Variants in SNX7 observed in about 807,000 individuals in gnomAD.
SNX7 encodes the protein sorting nexin 7, also known as sorting nexin-7.
Under a neutral mutation model 48.4 loss-of-function variants are expected in SNX7, and 35 were observed. The ratio of observed to expected loss-of-function variants is 0.72; its 90% CI spans 0.55 to 0.96. SNX7 has a LOEUF of 0.96. SNX7 is among the 40% of genes least tolerant of loss of function. The pLI is 0.00. For missense variants in SNX7, 553 were observed against 548.9 expected, an observed-to-expected ratio of 1.01 and a Z score of -0.07; for synonymous variants, 190 against 190.2, an observed-to-expected ratio of 1.00 and a Z score of 0.01.
chr1:98,712,048 C>T lies in SNX7; in HGVS notation c.1125+10145C>T, dbSNP rs1042125757. ...ATTCTATCATGAGATTGTAGCAATT[C>T]GGTCATCTCTTCAGGCTCTACTTCT... is the stretch of plus-strand genomic sequence containing the variant. On this transcript the variant is annotated intron_variant, in intron 7 of 8. Coordinates refer to ENST00000306121, the MANE Select transcript of SNX7 (RefSeq NM_015976.5). Among the ~76,000 whole-genome samples the T allele has an allele frequency of 4.6e-5, 7 of 152,306 alleles. 1 individual carries two copies. The East Asian group carries it at 5.8e-4, about 13-fold the overall frequency.
intron 1 of SNX7, 30 bp from the exon 2 acceptor site, chr1:98,684,855 A>G: frequency 1.4e-6 from 2 of 1,419,384 alleles, no homozygotes; most frequent in Non-Finnish European, 9.3e-7. Flanking sequence ...TTTTCTATTG[A>G]TACTAATTTT....
chr1:98,700,608 A>G (rs1428902494), intron 6 of SNX7, among the ~76,000 whole-genome samples: 1 of 151,718 alleles, frequency 6.6e-6, no homozygotes, highest in Non-Finnish European at 1.5e-5. Flanking sequence ...GTAGAGGCAT[A>G]ATCATAGCTC....
At chr1:98,752,408 A>C (rs1041104229) in intron 8 of SNX7, among the ~76,000 whole-genome samples, 1 of 152,056 alleles carries the variant, frequency 6.6e-6, no homozygotes, top group Non-Finnish European at 1.5e-5. Flanking sequence ...AATTACATTT[A>C]TTTAATTAAA....
At chr1:98,713,874 G>C (rs1238265959) in intron 7 of SNX7, among the ~76,000 whole-genome samples, 1 of 152,172 alleles carries the variant, frequency 6.6e-6, no homozygotes, top group Non-Finnish European at 1.5e-5. Context: ...GCTTATCACA[G>C]ATCGCCATCA....
chr1:98,710,860 A>G (rs543155207), intron 7 of SNX7, among the ~76,000 whole-genome samples: 36 of 152,304 alleles, frequency 2.4e-4, no homozygotes, highest in African/African-American at 7.0e-4. Context: ...TTCTTTATCC[A>G]TTAACATGCA....
chr1:98,725,391 A>G (rs376510220), intron 7 of SNX7, among the ~76,000 whole-genome samples: 1 of 152,244 alleles, frequency 6.6e-6, no homozygotes, highest in Admixed American at 6.5e-5. Flanking sequence ...ATATTAGGCA[A>G]ATATTTGCCT....
chr1:98,663,444 C>T (rs1649377189), intron 1 of SNX7, among the ~76,000 whole-genome samples: 1 of 151,842 alleles, frequency 6.6e-6, no homozygotes, highest in Non-Finnish European at 1.5e-5. Context: ...CTAGCTGACT[C>T]TTAAGAATCA....
intron 3 of SNX7, among the ~76,000 whole-genome samples, 164 bp downstream of exon 3, chr1:98,691,349 A>T (rs187219755): frequency 0.032 from 4,830 of 150,476 alleles, 131 homozygotes; most frequent in Middle Eastern, 0.048. Flanking sequence ...TTTTTTTTTT[A>T]AAAAAAACTC....
intron 8 of SNX7, among the ~76,000 whole-genome samples, chr1:98,740,474 T>A (rs1654017917): frequency 6.6e-6 from 1 of 152,158 alleles, no homozygotes; most frequent in Non-Finnish European, 1.5e-5. Flanking sequence ...AACCTAAGTA[T>A]ATTAGGGTAT....
intron 1 of SNX7, among the ~76,000 whole-genome samples, chr1:98,676,942 C>T (rs2100923740): frequency 6.6e-6 from 1 of 152,226 alleles, no homozygotes; most frequent in Middle Eastern, 3.4e-3. Context: ...CAGTACTGGC[C>T]AACTTTGTTG....
At chr1:98,741,211 G>C (rs1159899966) in intron 8 of SNX7, among the ~76,000 whole-genome samples, 1 of 152,002 alleles carries the variant, frequency 6.6e-6, no homozygotes, top group African/African-American at 2.4e-5. Flanking sequence ...GATGAAACAG[G>C]GTATACATAC....
At chr1:98,736,709 A>G (rs995704475) in intron 7 of SNX7, among the ~76,000 whole-genome samples, 9 of 152,172 alleles carry the variant, frequency 5.9e-5, no homozygotes, top group Admixed American at 3.9e-4. Context: ...CCAAATATCT[A>G]TTATTTCAGA....
intron 7 of SNX7, among the ~76,000 whole-genome samples, chr1:98,709,790 A>T: frequency 6.6e-6 from 1 of 152,128 alleles, no homozygotes; most frequent in East Asian, 1.9e-4. Flanking sequence ...TTCTGTCTAG[A>T]AAGTGTGTCT....
intron 1 of SNX7, among the ~76,000 whole-genome samples, chr1:98,675,642 G>A (rs1269371241): frequency 6.6e-6 from 1 of 152,176 alleles, no homozygotes; most frequent in Non-Finnish European, 1.5e-5. Flanking sequence ...ACGTTTGTAC[G>A]TAATGTCAGT....
At chr1:98,732,351 T>A (rs1272447927) in intron 7 of SNX7, among the ~76,000 whole-genome samples, 1 of 152,016 alleles carries the variant, frequency 6.6e-6, no homozygotes, top group Non-Finnish European at 1.5e-5. Context: ...GCTTCAGTAT[T>A]TATAGGGGAA....
chr1:98,665,978 T>A (rs970925038), intron 1 of SNX7, among the ~76,000 whole-genome samples: 1 of 152,320 alleles, frequency 6.6e-6, no homozygotes, highest in East Asian at 1.9e-4. Context: ...TTTTTTTCTT[T>A]GTCAATTTGG....
At chr1:98,753,941 CT>C (rs1398326080) in intron 8 of SNX7, among the ~76,000 whole-genome samples, 2 of 151,916 alleles carry the variant, frequency 1.3e-5, no homozygotes, top group East Asian at 3.9e-4. Flanking sequence ...GTTTTAATTT[CT>C]TTTTTTTCTT....
chr1:98,710,355 G>C (rs12083471), intron 7 of SNX7, among the ~76,000 whole-genome samples: 1,960 of 152,238 alleles, frequency 0.013, 50 homozygotes, highest in African/African-American at 0.045. Context: ...AGAAGACAAA[G>C]ACTGTGGAAA....
chr1:98,691,469 C>A, intron 3 of SNX7, 66 bp from the exon 4 acceptor site: 2 of 1,315,280 alleles, frequency 1.5e-6, no homozygotes, highest in Admixed American at 2.8e-5. Flanking sequence ...ACAGGGAAAG[C>A]GTAGAATTGC....
Sources: allele counts gnomAD v4.1 joint callset (sites outside exome capture counted in the v4.1 genomes callset), GRCh38; gene constraint gnomAD v4.1.1; transcripts MANE v1.5; gene names NCBI Gene and HGNC (gene_info 2026-07-23, HGNC 2026-07-21).